FHIT: variants seen among roughly 807,000 people sequenced by gnomAD.
FHIT encodes bis(5'-adenosyl)-triphosphatase.
In FHIT, 19 loss-of-function variants were observed where a neutral mutation model predicts 17.9. The observed-to-expected ratio is 1.06, with a 90% CI of 0.74 to 1.56. FHIT has a LOEUF of 1.56. FHIT is among the 40% of genes most tolerant of loss of function. FHIT has a pLI of 0.00. For missense variants in FHIT, 248 were observed against 189.2 expected (o/e 1.31, Z -1.82); for synonymous variants, 81 against 69.7 (o/e 1.16, Z -0.81).
chr3:59,799,503 G>A (rs559302060), intron 8 of FHIT, among the ~76,000 whole-genome samples: 4 of 152,270 alleles, frequency 2.6e-5, no homozygotes, highest in Non-Finnish European at 5.9e-5. Flanking sequence ...AAAAGGGGAG[G>A]GGAGAAAGTG....
chr3:61,221,754 G>C (rs1253858332), intron 1 of FHIT, among the ~76,000 whole-genome samples: 1 of 152,158 alleles, frequency 6.6e-6, no homozygotes, highest in Non-Finnish European at 1.5e-5. Flanking sequence ...CATTCTAAAG[G>C]AAGAAAACAG....
At chr3:60,049,667 A>T (rs1701794087) in intron 5 of FHIT, among the ~76,000 whole-genome samples, 1 of 152,202 alleles carries the variant, frequency 6.6e-6, no homozygotes, top group Non-Finnish European at 1.5e-5. Flanking sequence ...CAGCATTAAC[A>T]TGATCACCTA....
chr3:61,153,574 T>C (rs1230062445), intron 2 of FHIT, among the ~76,000 whole-genome samples: 5 of 152,204 alleles, frequency 3.3e-5, no homozygotes, highest in Non-Finnish European at 5.9e-5. Context: ...ATTTTGGTGA[T>C]ATAGATGGAG....
chr3:59,750,769 G>A (rs1700852243), intron 9 of FHIT: 1 of 212,678 alleles, frequency 4.7e-6, no homozygotes, highest in Non-Finnish European at 9.5e-6. Flanking sequence ...AAGGCCAAGT[G>A]CACATATATT....
rs968862457 is a variant in FHIT, at chr3:60,538,537, A to C, written c.-17-1558T>G. 2.0e-5 allele frequency among the ~76,000 whole-genome samples: 3 copies of C among 152,172 alleles called. No homozygotes were observed. In the East Asian group the frequency reaches 5.8e-4, roughly 29 times the overall value. On this transcript the variant is annotated intron_variant, in intron 4 of 9. Coordinates refer to ENST00000492590, the MANE Select transcript of FHIT (RefSeq NM_002012.4). ...GAGGCATCATGCTACCTGACTTCAA[A>C]CTATACTACAAGGCTACAGTAACCA...
At chr3:59,880,240 C>A (rs1207686215) in intron 8 of FHIT, among the ~76,000 whole-genome samples, 1 of 152,180 alleles carries the variant, frequency 6.6e-6, no homozygotes, top group African/African-American at 2.4e-5. Context: ...ATACTCCAAG[C>A]GCCTTCCCTC....
At chr3:61,059,771 A>G (rs889552932) in intron 2 of FHIT, among the ~76,000 whole-genome samples, 9 of 152,186 alleles carry the variant, frequency 5.9e-5, no homozygotes, top group Non-Finnish European at 1.0e-4. Flanking sequence ...GCATTAGCCC[A>G]TTCTTGCATT....
rs75749234 is a variant in FHIT, at chr3:60,688,832, C to A, written c.-18+133087G>T. On this transcript the variant is annotated intron_variant, in intron 4 of 9. Coordinates refer to ENST00000492590, the MANE Select transcript of FHIT (RefSeq NM_002012.4). Reference sequence around the variant, plus strand: ...TGTAACACTGTAATCTTATTTCATGCTTTGTGTAGTTTATGCTTTACTCTT... The same window carrying A: ...TGTAACACTGTAATCTTATTTCATGATTTGTGTAGTTTATGCTTTACTCTT... 3.7e-4 allele frequency among the ~76,000 whole-genome samples: 56 copies of A among 152,220 alleles called. No individual in the cohort carries two copies. In the East Asian group the frequency reaches 0.01, roughly 28 times the overall value.
intron 2 of FHIT, among the ~76,000 whole-genome samples, chr3:61,126,900 T>C (rs1189547668): frequency 6.6e-6 from 1 of 151,716 alleles, no homozygotes; most frequent in Non-Finnish European, 1.5e-5. Flanking sequence ...GTAAAGCACA[T>C]AGGGCTGAGG....
At chr3:61,231,275 TG>T (rs2040093616) in intron 1 of FHIT, among the ~76,000 whole-genome samples, 1 of 152,178 alleles carries the variant, frequency 6.6e-6, no homozygotes, top group African/African-American at 2.4e-5. Flanking sequence ...GAGGATCCCT[TG>T]AGTCCAGGCA....
intron 7 of FHIT, among the ~76,000 whole-genome samples, chr3:59,960,327 G>A (rs868516609): frequency 1.2e-4 from 18 of 152,280 alleles, no homozygotes; most frequent in South Asian, 6.2e-4. Flanking sequence ...ATATTGTGGG[G>A]TAAAATCTAA....
At chr3:60,463,154 G>A (rs1419279469) in intron 5 of FHIT, among the ~76,000 whole-genome samples, 1 of 152,172 alleles carries the variant, frequency 6.6e-6, no homozygotes, top group Non-Finnish European at 1.5e-5. Context: ...GAAGGCAACA[G>A]ATATATCACA....
chr3:59,756,268 A>C (rs542386102), intron 8 of FHIT, among the ~76,000 whole-genome samples: 2 of 152,308 alleles, frequency 1.3e-5, no homozygotes, highest in South Asian at 4.1e-4. Context: ...GATCCAAAAC[A>C]ACTTATTATA....
intron 5 of FHIT, among the ~76,000 whole-genome samples, chr3:60,471,159 A>G (rs1209463871): frequency 1.3e-5 from 2 of 152,118 alleles, no homozygotes; most frequent in African/African-American, 2.4e-5. Context: ...AGCTGCCTGG[A>G]GCTGTGAGCT....
chr3:60,754,321 T>C (rs1461341025), intron 4 of FHIT, among the ~76,000 whole-genome samples: 2 of 152,188 alleles, frequency 1.3e-5, no homozygotes, highest in Non-Finnish European at 2.9e-5. Flanking sequence ...ATAGTGGCTT[T>C]TCAGAGATAT....
intron 8 of FHIT, among the ~76,000 whole-genome samples, chr3:59,800,673 G>C (rs1699956989): frequency 6.6e-6 from 1 of 152,220 alleles, no homozygotes; most frequent in South Asian, 2.1e-4. Context: ...GGCCACTGGT[G>C]AAGACAGATG....
intron 3 of FHIT, among the ~76,000 whole-genome samples, chr3:60,827,698 T>C (rs190880485): frequency 2.0e-5 from 3 of 152,336 alleles, no homozygotes; most frequent in Admixed American, 6.5e-5. Flanking sequence ...TAAATGGAAC[T>C]GCAGCAAAGG....
chr3:60,984,969 G>A (rs2107564822), intron 3 of FHIT, among the ~76,000 whole-genome samples: 1 of 152,182 alleles, frequency 6.6e-6, no homozygotes, highest in African/African-American at 2.4e-5. Flanking sequence ...ATGCATACAG[G>A]ATGGCAGAGA....
chr3:60,982,910 G>T (rs1353566202), intron 3 of FHIT, among the ~76,000 whole-genome samples: 10 of 152,008 alleles, frequency 6.6e-5, no homozygotes, highest in Non-Finnish European at 1.5e-4. Context: ...TCATCTCATG[G>T]TCTATTTCCA....
Sources: gnomAD v4.1 joint callset for allele counts (sites outside exome capture counted in the v4.1 genomes callset) on GRCh38, gnomAD v4.1.1 for gene constraint, MANE v1.5 for transcripts, NCBI Gene and HGNC (gene_info 2026-07-23, HGNC 2026-07-21) for gene names.